Variants in MVB12B observed in about 807,000 individuals in gnomAD.
The protein encoded by MVB12B is multivesicular body subunit 12B.
MVB12B carries 16 observed loss-of-function variants against 41.6 expected under a neutral mutation model. The observed-to-expected ratio is 0.38, with a 90% CI of 0.26 to 0.58. The LOEUF is 0.58. MVB12B is among the 20% of genes least tolerant of loss of function. MVB12B has a pLI of 0.62. For synonymous variants in MVB12B, 133 were observed against 139.7 expected, an observed-to-expected ratio of 0.95 and a Z score of 0.34; for missense variants, 274 against 380.2, an observed-to-expected ratio of 0.72 and a Z score of 2.32.
chr9:126,377,913 G>A (rs1000101776), intron 2 of MVB12B, among the ~76,000 whole-genome samples: 3 of 152,186 alleles, frequency 2.0e-5, no homozygotes, highest in Non-Finnish European at 2.9e-5. Flanking sequence ...AGAAACATTC[G>A]CGCTGTCTTT....
intron 2 of MVB12B, among the ~76,000 whole-genome samples, chr9:126,343,130 C>A (rs1280336395): frequency 6.6e-6 from 1 of 152,208 alleles, no homozygotes; most frequent in Non-Finnish European, 1.5e-5. Context: ...TCAATAACTT[C>A]CCTTCTCTCT....
At chr9:126,477,026 A>C (rs1297332731) in intron 7 of MVB12B, among the ~76,000 whole-genome samples, 1 of 152,130 alleles carries the variant, frequency 6.6e-6, no homozygotes, top group Non-Finnish European at 1.5e-5. Flanking sequence ...TAAAGAACAG[A>C]GATTGAATTG....
chr9:126,401,370 G>A (rs1015585472), intron 6 of MVB12B, among the ~76,000 whole-genome samples: 3 of 152,216 alleles, frequency 2.0e-5, no homozygotes, highest in Non-Finnish European at 4.4e-5. Flanking sequence ...TCACAGGTTC[G>A]GAAGTATGTT....
chr9:126,414,443 A>T (rs1297978421), intron 6 of MVB12B, among the ~76,000 whole-genome samples: 1 of 152,154 alleles, frequency 6.6e-6, no homozygotes, highest in Non-Finnish European at 1.5e-5. Flanking sequence ...TAGCTTGGTA[A>T]CACTCCCCGA....
rs371852597 is a variant in MVB12B, at chr9:126,458,568, G to C, written c.758-22801G>C. ...TTAGGGAAAGTATTTTTAAGAACAG[G>C]CGCCAGGTCTCCTGTTGGGCCTTGC... On this transcript the variant is annotated intron_variant, in intron 7 of 9. Transcript: ENST00000361171. Among the ~76,000 whole-genome samples the C allele has an allele frequency of 5.9e-5, 9 of 152,212 alleles. No homozygotes were observed. In the East Asian group the frequency reaches 1.4e-3, roughly 23 times the overall value.
intron 2 of MVB12B, among the ~76,000 whole-genome samples, chr9:126,350,177 A>G (rs1829709732): frequency 6.6e-6 from 1 of 151,550 alleles, no homozygotes; most frequent in Non-Finnish European, 1.5e-5. Context: ...TCATTTTCTC[A>G]TTGGATTGTT....
intron 8 of MVB12B, 112 bp downstream of exon 8, chr9:126,481,536 C>G (rs968250604): frequency 1.2e-6 from 1 of 804,632 alleles, no homozygotes; most frequent in African/African-American, 1.7e-5. Flanking sequence ...CGCCCCTTCC[C>G]CTACCGGAAT....
chr9:126,398,492 CAA>C (rs1195672117), intron 6 of MVB12B, among the ~76,000 whole-genome samples: 1 of 152,218 alleles, frequency 6.6e-6, no homozygotes, highest in African/African-American at 2.4e-5. Flanking sequence ...ATATTTCCCT[CAA>C]GTCTTTTTCT....
chr9:126,432,550 A>C (rs1832358138), intron 7 of MVB12B, among the ~76,000 whole-genome samples: 1 of 152,244 alleles, frequency 6.6e-6, no homozygotes, highest in African/African-American at 2.4e-5. Flanking sequence ...AATTTACTGA[A>C]TAATACCCAG....
At chr9:126,384,834 ATTTTTTTTTT>A (rs11299290) in intron 3 of MVB12B, among the ~76,000 whole-genome samples, 1 of 111,068 alleles carries the variant, frequency 9.0e-6, no homozygotes, top group Admixed American at 9.3e-5. Flanking sequence ...TGCCTGGCAG[ATTTTTTTTTT>A]TTTTTTTTTT....
At chr9:126,344,281 A>G (rs551127661) in intron 2 of MVB12B, among the ~76,000 whole-genome samples, 1 of 152,294 alleles carries the variant, frequency 6.6e-6, no homozygotes, top group East Asian at 1.9e-4. Context: ...AAAAGATGAA[A>G]TTGGGGGTAA....
chr9:126,412,512 G>C (rs1478179814), intron 6 of MVB12B, among the ~76,000 whole-genome samples: 1 of 152,168 alleles, frequency 6.6e-6, no homozygotes, highest in Admixed American at 6.5e-5. Context: ...GCACCACCAC[G>C]CTGGATGCTT....
intron 7 of MVB12B, among the ~76,000 whole-genome samples, chr9:126,433,253 G>C (rs370047595): frequency 2.0e-5 from 3 of 152,166 alleles, no homozygotes; most frequent in African/African-American, 7.2e-5. Context: ...CCACAGCCCT[G>C]CCCTCCCAGC....
At chr9:126,413,211 C>T (rs74818140) in intron 6 of MVB12B, among the ~76,000 whole-genome samples, 7 of 152,030 alleles carry the variant, frequency 4.6e-5, no homozygotes, top group African/African-American at 1.5e-4. Context: ...TTGAGTAGAC[C>T]GTCATAATTA....
intron 3 of MVB12B, among the ~76,000 whole-genome samples, chr9:126,383,680 G>C (rs1020472054): frequency 1.3e-5 from 2 of 152,002 alleles, no homozygotes; most frequent in Non-Finnish European, 2.9e-5. Flanking sequence ...AGGAGGAAAT[G>C]AAAGAGAGAA....
rs374368995 is a variant in MVB12B at position 126,446,708 on chromosome 9, T to G, written c.757+24760T>G. On this transcript the variant is annotated intron_variant, in intron 7 of 9. Coordinates refer to ENST00000361171, the MANE Select transcript of MVB12B (RefSeq NM_033446.3). ...ATTTCACCTAAATTTCATCTAAATTTTAAAGTTTATTGGTACAAAATTTTA... is the reference window on the plus strand; with the variant it reads ...ATTTCACCTAAATTTCATCTAAATTGTAAAGTTTATTGGTACAAAATTTTA... Among the ~76,000 whole-genome samples the G allele has an allele frequency of 2.1e-4, 32 of 151,964 alleles. No individual in the cohort carries two copies. In the East Asian group the frequency reaches 3.5e-3, roughly 16 times the overall value.
intron 6 of MVB12B, among the ~76,000 whole-genome samples, chr9:126,409,954 T>C (rs1039482968): frequency 2.0e-5 from 3 of 152,226 alleles, no homozygotes; most frequent in Admixed American, 6.5e-5. Context: ...CCGTTGTTCT[T>C]GATTATTTCT....
intron 1 of MVB12B, among the ~76,000 whole-genome samples, chr9:126,337,409 T>A (rs1202486231): frequency 6.6e-6 from 1 of 152,226 alleles, no homozygotes; most frequent in Non-Finnish European, 1.5e-5. Context: ...GGAAAATTAA[T>A]CCCGTGTTAC....
At chr9:126,464,481 C>T (rs1483250956) in intron 7 of MVB12B, among the ~76,000 whole-genome samples, 1 of 152,168 alleles carries the variant, frequency 6.6e-6, no homozygotes, top group Non-Finnish European at 1.5e-5. Flanking sequence ...TGACATGACC[C>T]TATAAGCTTT....
Sources: gnomAD v4.1 joint callset for allele counts (sites outside exome capture counted in the v4.1 genomes callset) on GRCh38, gnomAD v4.1.1 for gene constraint, MANE v1.5 for transcripts, NCBI Gene and HGNC (gene_info 2026-07-23, HGNC 2026-07-21) for gene names.